MAPKAP1: variants seen among roughly 807,000 people sequenced by gnomAD.
MAPKAP1 encodes the protein MAPK associated protein 1.
MAPKAP1 carries 20 observed loss-of-function variants against 65.7 expected under a neutral mutation model. The ratio of observed to expected loss-of-function variants is 0.30; its 90% CI spans 0.21 to 0.44. The LOEUF (loss-of-function observed/expected upper bound fraction) is 0.44. MAPKAP1 is among the 20% of genes least tolerant of loss of function. MAPKAP1 has a pLI of 1.00. For missense variants in MAPKAP1, 423 were observed against 648.0 expected (o/e 0.65, Z 3.77); for synonymous variants, 222 against 244.3 (o/e 0.91, Z 0.85).
At chr9:125,644,692 C>A (rs1473455264) in intron 4 of MAPKAP1, among the ~76,000 whole-genome samples, 1 of 152,194 alleles carries the variant, frequency 6.6e-6, no homozygotes, top group Non-Finnish European at 1.5e-5. Context: ...CCAATATACT[C>A]AAGTTAATTA....
intron 7 of MAPKAP1, among the ~76,000 whole-genome samples, chr9:125,530,432 T>C (rs1297087927): frequency 6.6e-6 from 1 of 152,254 alleles, no homozygotes; most frequent in African/African-American, 2.4e-5. Context: ...AGCAACAGGG[T>C]CTGTGAGCTA....
chr9:125,593,694 C>A (rs1416761343), intron 4 of MAPKAP1, among the ~76,000 whole-genome samples: 2 of 152,128 alleles, frequency 1.3e-5, no homozygotes, highest in African/African-American at 2.4e-5. Context: ...AATAAATTCA[C>A]AATCAGCTGA....
At chr9:125,571,200 A>G (rs938681090) in intron 5 of MAPKAP1, among the ~76,000 whole-genome samples, 6 of 152,216 alleles carry the variant, frequency 3.9e-5, no homozygotes, top group Admixed American at 2.0e-4. Flanking sequence ...AATATAACTT[A>G]GTGTATGTAA....
At chr9:125,559,572 G>A (rs1194063858) in intron 6 of MAPKAP1, 61 bp downstream of exon 6, 5 of 1,501,248 alleles carry the variant, frequency 3.3e-6, no homozygotes, top group Non-Finnish European at 4.5e-6. Flanking sequence ...ACCAAAATCA[G>A]ATCCAAAATG....
At chr9:125,668,994 G>A (rs539088317) in intron 3 of MAPKAP1, among the ~76,000 whole-genome samples, 1 of 152,142 alleles carries the variant, frequency 6.6e-6, no homozygotes, top group South Asian at 2.1e-4. Context: ...GAACAGCCTG[G>A]CATGGTGAAA....
At chr9:125,539,125 T>C (rs1830165244) in intron 7 of MAPKAP1, among the ~76,000 whole-genome samples, 1 of 152,244 alleles carries the variant, frequency 6.6e-6, no homozygotes, top group East Asian at 1.9e-4. Context: ...AGATATAGAG[T>C]TAGGAGGGAG....
chr9:125,576,714 T>A (rs947451157), intron 5 of MAPKAP1, among the ~76,000 whole-genome samples: 4 of 152,170 alleles, frequency 2.6e-5, no homozygotes, highest in Non-Finnish European at 5.9e-5. Context: ...GGAGACGGGG[T>A]TTCGCTGTGT....
chr9:125,490,520 C>T (rs1284824276), intron 8 of MAPKAP1, among the ~76,000 whole-genome samples: 1 of 152,050 alleles, frequency 6.6e-6, no homozygotes, highest in Non-Finnish European at 1.5e-5. Flanking sequence ...GCCTGGGCAA[C>T]AAGAACGAAA....
intron 7 of MAPKAP1, among the ~76,000 whole-genome samples, chr9:125,538,167 G>A (rs1055774768): frequency 3.3e-5 from 5 of 152,050 alleles, no homozygotes; most frequent in Non-Finnish European, 7.4e-5. Flanking sequence ...TGAAGAGTTC[G>A]GAGCAGATAT....
chr9:125,480,663 A>G (rs1854273598), intron 9 of MAPKAP1, among the ~76,000 whole-genome samples: 3 of 152,194 alleles, frequency 2.0e-5, no homozygotes. Context: ...ACACTACGAT[A>G]AGCTACTGCT....
chr9:125,533,675 T>A lies in MAPKAP1; in HGVS notation c.958+9384A>T, dbSNP rs576737702. ...CACGTTGGCCAGGCTGGTCTCAAAC[T>A]CGACCTCAGGTGATCCGTCTGCCTT... On this transcript the variant is annotated intron_variant, in intron 7 of 11. Coordinates refer to ENST00000265960, the MANE Select transcript of MAPKAP1 (RefSeq NM_001006617.3). Among the ~76,000 whole-genome samples the A allele has an allele frequency of 5.9e-5, 9 of 152,288 alleles. No individual in the cohort carries two copies. The East Asian group carries it at 1.7e-3, about 29-fold the overall frequency.
intron 6 of MAPKAP1, among the ~76,000 whole-genome samples, chr9:125,544,638 G>A (rs922915605): frequency 5.1e-4 from 78 of 152,336 alleles, no homozygotes; most frequent in African/African-American, 1.8e-3. Context: ...AGTAGCTCAT[G>A]TAACAAACGG....
intron 8 of MAPKAP1, among the ~76,000 whole-genome samples, chr9:125,489,821 A>G (rs754190351): frequency 3.3e-5 from 5 of 152,182 alleles, no homozygotes; most frequent in Non-Finnish European, 7.3e-5. Flanking sequence ...GATTAATAAC[A>G]TTAGAAAGAA....
intron 4 of MAPKAP1, among the ~76,000 whole-genome samples, chr9:125,638,598 C>A (rs1196439467): frequency 6.6e-6 from 1 of 152,190 alleles, no homozygotes; most frequent in African/African-American, 2.4e-5. Flanking sequence ...CCAGCCAAGT[C>A]TAAACACTAT....
At chr9:125,534,585 C>T (rs1830021130) in intron 7 of MAPKAP1, among the ~76,000 whole-genome samples, 1 of 152,206 alleles carries the variant, frequency 6.6e-6, no homozygotes, top group Non-Finnish European at 1.5e-5. Flanking sequence ...AGAGCCTCTG[C>T]ATTGGTGTCT....
At chr9:125,598,129 T>A (rs1832194538) in intron 4 of MAPKAP1, among the ~76,000 whole-genome samples, 1 of 151,956 alleles carries the variant, frequency 6.6e-6, no homozygotes, top group Admixed American at 6.6e-5. Flanking sequence ...TTAATAAAAT[T>A]CTGGCTTTAT....
At chr9:125,695,557 T>C (rs1238991404) in intron 1 of MAPKAP1, among the ~76,000 whole-genome samples, 1 of 152,216 alleles carries the variant, frequency 6.6e-6, no homozygotes, top group Non-Finnish European at 1.5e-5. Context: ...TCTTGCCTGA[T>C]ATTTTCCTAA....
In MAPKAP1 at chr9:125,505,452, G is replaced by C. The variant is rs1829111962; in HGVS notation, c.1066+858C>G. On this transcript the variant is annotated intron_variant, in intron 8 of 11. Transcript: ENST00000265960. ...AAAAAAAAGAGTTTGAGACCAGCCT[G>C]GCCAATGCAGCAAGACTCCATCTCT... is the stretch of plus-strand genomic sequence containing the variant. 2.6e-5 allele frequency among the ~76,000 whole-genome samples: 4 copies of C among 152,046 alleles called. No homozygotes were observed. In the South Asian group the frequency reaches 8.3e-4, roughly 32 times the overall value.
At chr9:125,563,638 A>G (rs1165167473) in intron 5 of MAPKAP1, among the ~76,000 whole-genome samples, 1 of 152,184 alleles carries the variant, frequency 6.6e-6, no homozygotes, top group Non-Finnish European at 1.5e-5. Context: ...TACTTAACAA[A>G]CATTTGTTGA....
Sources: gnomAD v4.1 joint callset for allele counts (sites outside exome capture counted in the v4.1 genomes callset) on GRCh38, gnomAD v4.1.1 for gene constraint, MANE v1.5 for transcripts, NCBI Gene and HGNC (gene_info 2026-07-23, HGNC 2026-07-21) for gene names.